The following RCAN2 variants were observed in gnomAD, a reference collection of about 807,000 sequenced individuals.
RCAN2 encodes regulator of calcineurin 2.
In RCAN2, 9 loss-of-function variants were observed where a neutral mutation model predicts 23.6. The observed-to-expected ratio is 0.38, with a 90% CI of 0.23 to 0.67. RCAN2 has a LOEUF of 0.67. RCAN2 is among the 30% of genes least tolerant of loss of function. The pLI, the probability that RCAN2 is intolerant of heterozygous loss-of-function variation, is 0.51. For missense variants in RCAN2, 273 were observed against 302.3 expected (o/e 0.90, Z 0.72); for synonymous variants, 109 against 115.7 (o/e 0.94, Z 0.37).
chr6:46,425,830 G>A (rs1481453708), intron 2 of RCAN2, among the ~76,000 whole-genome samples: 2 of 151,196 alleles, frequency 1.3e-5, no homozygotes, highest in African/African-American at 2.4e-5. Flanking sequence ...ATTTCTCAGT[G>A]GTTCACTTCG....
At chr6:46,437,566 C>T (rs1191493699) in intron 2 of RCAN2, among the ~76,000 whole-genome samples, 2 of 152,084 alleles carry the variant, frequency 1.3e-5, no homozygotes, top group Non-Finnish European at 2.9e-5. Context: ...TTGTTGTTTC[C>T]AGCTATAAGT....
At position 46,221,537 on chromosome 6, in the gene RCAN2, A is replaced by C. The variant is rs1386220280; in HGVS notation, c.*1604T>G. On this transcript the variant is annotated 3_prime_UTR_variant, in exon 5 of 5. Transcript: ENST00000371374. ...TCCTTATGGAAACTCAGGATTTTAC[A>C]AGCAATGCTCTCCTCAGTTTCACCA... 1 of 169,378 alleles carries C rather than the reference A, an allele frequency of 5.9e-6. No homozygotes were observed. The highest frequency in any genetic ancestry group is 1.6e-4 in the East Asian group (1 of 6,198). The allele number at this position is 169,378 out of a possible 1,614,324, so 10.5% of individuals were successfully genotyped here. A position where few individuals can be genotyped will look rare whatever the true frequency, so the allele number is the denominator to read the frequency against.
At chr6:46,286,112 G>A (rs753448974) in intron 2 of RCAN2, among the ~76,000 whole-genome samples, 11 of 152,144 alleles carry the variant, frequency 7.2e-5, no homozygotes, top group Non-Finnish European at 1.2e-4. Context: ...GTGGCCTAAA[G>A]GTTTCTCCAT....
intron 2 of RCAN2, among the ~76,000 whole-genome samples, chr6:46,294,296 CAT>C (rs1762652384): frequency 6.6e-6 from 1 of 152,126 alleles, no homozygotes; most frequent in African/African-American, 2.4e-5. Context: ...AATCAGAAAA[CAT>C]ATAATTTAAA....
chr6:46,445,554 G>A (rs1416043040), intron 2 of RCAN2, among the ~76,000 whole-genome samples: 1 of 152,194 alleles, frequency 6.6e-6, no homozygotes, highest in Non-Finnish European at 1.5e-5. Context: ...AAACGTGACA[G>A]CATCAAAGGA....
chr6:46,246,783 T>C lies in RCAN2; in HGVS notation c.536A>G (p.Tyr179Cys), dbSNP rs1766527561. ...PINDATPVLNYDLLYAVAKLG... is the reference protein window; with the variant it reads ...PINDATPVLNCDLLYAVAKLG... The stretch of plus-strand genomic sequence containing the variant: ...TTTGGCCACAGCATAGAGGAGGTCA[T>C]AGTTGAGGACTGGCGTGGCATCGTT... The change falls in exon 4 of 5, where the codon TAT (tyrosine) becomes TGT (cysteine). Residue 179 changes from tyrosine to cysteine, a missense_variant. Transcript: ENST00000371374. 6.2e-7 allele frequency: 1 copy of C among 1,613,736 alleles called. No individual in the cohort carries two copies. The highest frequency in any genetic ancestry group is 8.5e-7 in the Non-Finnish European group (1 of 1,179,858).
chr6:46,283,509 T>C (rs1044676675), intron 2 of RCAN2, among the ~76,000 whole-genome samples: 2 of 152,110 alleles, frequency 1.3e-5, no homozygotes, highest in Admixed American at 1.3e-4. Context: ...TAAACTAATA[T>C]TAGCCAGGGC....
chr6:46,441,486 C>T (rs1170774432), intron 2 of RCAN2, among the ~76,000 whole-genome samples: 1 of 152,058 alleles, frequency 6.6e-6, no homozygotes, highest in African/African-American at 2.4e-5. Context: ...ACAGTGCATT[C>T]TATGTATAAA....
At chr6:46,403,321 C>T (rs1766312700) in intron 2 of RCAN2, among the ~76,000 whole-genome samples, 1 of 151,838 alleles carries the variant, frequency 6.6e-6, no homozygotes. Flanking sequence ...ACCTGTAATC[C>T]CAGCACTTTG....
chr6:46,404,050 C>T (rs1468744655), intron 2 of RCAN2, among the ~76,000 whole-genome samples: 8 of 152,046 alleles, frequency 5.3e-5, no homozygotes, highest in Non-Finnish European at 1.2e-4. Context: ...GGTGAAATCC[C>T]GTCTCTACTA....
At position 46,264,905 on chromosome 6, in the gene RCAN2, G is replaced by A. The variant is rs180735252; in HGVS notation, c.226-16009C>T. Among the ~76,000 whole-genome samples the A allele has an allele frequency of 3.9e-5, 6 of 152,272 alleles. No individual in the cohort carries two copies. In the East Asian group the frequency reaches 9.7e-4, roughly 25 times the overall value. On this transcript the variant is annotated intron_variant, in intron 2 of 4. Coordinates refer to ENST00000371374, the MANE Select transcript of RCAN2 (RefSeq NM_001251974.2). Reference sequence around the variant, plus strand: ...TATCTCATTCTCACAATACACTTATGAGGCAGATGAAGAAACGAGTTAAAA... The same window carrying A: ...TATCTCATTCTCACAATACACTTATAAGGCAGATGAAGAAACGAGTTAAAA...
At chr6:46,311,118 C>A (rs1328809059) in intron 2 of RCAN2, among the ~76,000 whole-genome samples, 1 of 152,168 alleles carries the variant, frequency 6.6e-6, no homozygotes, top group African/African-American at 2.4e-5. Flanking sequence ...CCCAAGACTG[C>A]AAAATTAGTA....
chr6:46,462,470 A>C (rs1332870876), intron 1 of RCAN2, among the ~76,000 whole-genome samples: 1 of 152,212 alleles, frequency 6.6e-6, no homozygotes, highest in East Asian at 1.9e-4. Context: ...AAGATTTTCA[A>C]ATAACATGAT....
At chr6:46,223,367 T>G (rs1453430585) in intron 4 of RCAN2, 66 bp from the exon 5 acceptor site, 1 of 1,492,664 alleles carries the variant, frequency 6.7e-7, no homozygotes, top group Non-Finnish European at 9.3e-7. Flanking sequence ...TGGAGCAGGG[T>G]CTGCTTAGGA....
intron 2 of RCAN2, among the ~76,000 whole-genome samples, chr6:46,354,029 A>G (rs1764747180): frequency 6.6e-6 from 1 of 152,196 alleles, no homozygotes; most frequent in African/African-American, 2.4e-5. Flanking sequence ...CATGGGATAC[A>G]AACCAGAATA....
At chr6:46,424,613 A>G (rs1169830614) in intron 2 of RCAN2, among the ~76,000 whole-genome samples, 1 of 151,976 alleles carries the variant, frequency 6.6e-6, no homozygotes, top group African/African-American at 2.4e-5. Flanking sequence ...TAGATCTGTG[A>G]TATCTGCCAC....
intron 2 of RCAN2, among the ~76,000 whole-genome samples, chr6:46,382,681 T>C (rs560381323): frequency 6.6e-6 from 1 of 152,224 alleles, no homozygotes; most frequent in South Asian, 2.1e-4. Flanking sequence ...CTTGTGTTTT[T>C]AACTATGTTT....
intron 2 of RCAN2, among the ~76,000 whole-genome samples, chr6:46,377,881 G>C (rs550584227): frequency 5.0e-4 from 76 of 152,146 alleles, no homozygotes; most frequent in Non-Finnish European, 5.9e-4. Context: ...TATGATATCC[G>C]CTCCATACCA....
At chr6:46,238,501 A>G (rs1281115327) in intron 4 of RCAN2, among the ~76,000 whole-genome samples, 1 of 152,202 alleles carries the variant, frequency 6.6e-6, no homozygotes, top group Non-Finnish European at 1.5e-5. Flanking sequence ...CCAAAATATC[A>G]TAGCTTTCAC....
Sources: gnomAD v4.1 joint callset for allele counts (sites outside exome capture counted in the v4.1 genomes callset) on GRCh38, gnomAD v4.1.1 for gene constraint, MANE v1.5 for transcripts, NCBI Gene and HGNC (gene_info 2026-07-23, HGNC 2026-07-21) for gene names.